Variants in ERG observed in about 807,000 individuals in gnomAD.
ERG encodes transcriptional regulator ERG.
Under a neutral mutation model 55.3 loss-of-function variants are expected in ERG, and 9 were observed. The observed-to-expected ratio is 0.16, with a 90% CI of 0.10 to 0.28. The LOEUF (loss-of-function observed/expected upper bound fraction) is 0.28, where lower values mean the gene tolerates loss of function less well. Among genes scored for constraint, ERG ranks in the 10% least tolerant of loss-of-function variants. The pLI, the probability that ERG is intolerant of heterozygous loss-of-function variation, is 1.00. For missense variants in ERG, 434 were observed against 631.6 expected, an observed-to-expected ratio of 0.69 and a Z score of 3.35; for synonymous variants, 223 against 237.3, an observed-to-expected ratio of 0.94 and a Z score of 0.55.
intron 1 of ERG, among the ~76,000 whole-genome samples, chr21:38,635,997 T>A (rs1601337707): frequency 6.6e-6 from 1 of 152,208 alleles, no homozygotes; most frequent in Non-Finnish European, 1.5e-5. Flanking sequence ...GTAGTTCCCA[T>A]AATCTCCATG....
At chr21:38,637,210 G>A (rs1181373621) in intron 1 of ERG, among the ~76,000 whole-genome samples, 2 of 152,178 alleles carry the variant, frequency 1.3e-5, no homozygotes, top group Non-Finnish European at 2.9e-5. Flanking sequence ...GTGTGTGTGT[G>A]TGTGCATCCC....
intron 1 of ERG, among the ~76,000 whole-genome samples, chr21:38,652,872 TG>T (rs1462204405): frequency 6.6e-6 from 1 of 152,224 alleles, no homozygotes; most frequent in Non-Finnish European, 1.5e-5. Flanking sequence ...CTCTTGTTGG[TG>T]TGTGAACTCA....
At chr21:38,596,166 T>C (rs1478871086) in intron 1 of ERG, among the ~76,000 whole-genome samples, 2 of 152,146 alleles carry the variant, frequency 1.3e-5, no homozygotes. Context: ...TTCTTCTGTG[T>C]CGTGGTAACA....
At chr21:38,522,765 G>A (rs1350932840) in intron 2 of ERG, among the ~76,000 whole-genome samples, 1 of 152,108 alleles carries the variant, frequency 6.6e-6, no homozygotes, top group African/African-American at 2.4e-5. Context: ...TAGATAAAAG[G>A]AAAAAGCAAA....
At chr21:38,573,648 C>T (rs1263597049) in intron 2 of ERG, among the ~76,000 whole-genome samples, 1 of 152,226 alleles carries the variant, frequency 6.6e-6, no homozygotes, top group Non-Finnish European at 1.5e-5. Flanking sequence ...TCCTTATTAT[C>T]ACCCTGCTCT....
Position 38,380,281 on chromosome 21 carries a change from C to T in ERG, c.*3122G>A, listed in dbSNP as rs1987365709. The T allele has an allele frequency of 1.9e-6, 2 of 1,056,910 alleles. No individual in the cohort carries two copies. Among genetic ancestry groups the T allele is most frequent in the East Asian group, 5.2e-5 (1 of 19,134 alleles). The allele number at this position is 1,056,910 out of a possible 1,614,324, so 65.5% of individuals were successfully genotyped here. On this transcript the variant is annotated 3_prime_UTR_variant, in exon 10 of 10. Coordinates refer to ENST00000288319, the MANE Select transcript of ERG (RefSeq NM_182918.4). Reference sequence around the variant, plus strand: ...TGTCAGAGGGCAGCTCCTCCGGCTCCTGCTCCTGGGTTGCAGGTGCCACAT... The same window carrying T: ...TGTCAGAGGGCAGCTCCTCCGGCTCTTGCTCCTGGGTTGCAGGTGCCACAT...
At chr21:38,639,616 A>G (rs917215019) in intron 1 of ERG, among the ~76,000 whole-genome samples, 2 of 152,220 alleles carry the variant, frequency 1.3e-5, no homozygotes, top group African/African-American at 4.8e-5. Flanking sequence ...GACCCTAAAC[A>G]AGGCACATCT....
chr21:38,470,294 C>A (rs1399089411), intron 1 of ERG, among the ~76,000 whole-genome samples: 1 of 151,840 alleles, frequency 6.6e-6, no homozygotes, highest in African/African-American at 2.4e-5. Flanking sequence ...TTATAATTAT[C>A]TGGAGTTAAT....
At chr21:38,594,213 G>C (rs934191622) in intron 1 of ERG, among the ~76,000 whole-genome samples, 1 of 152,114 alleles carries the variant, frequency 6.6e-6, no homozygotes, top group African/African-American at 2.4e-5. Flanking sequence ...GTTTTGACTG[G>C]TTTACAAGGA....
chr21:38,493,346 G>T (rs945684342), intron 1 of ERG, among the ~76,000 whole-genome samples: 3 of 152,116 alleles, frequency 2.0e-5, no homozygotes, highest in African/African-American at 7.2e-5. Flanking sequence ...ATGGGAAAAT[G>T]CTTGTAAAAC....
intron 1 of ERG, among the ~76,000 whole-genome samples, chr21:38,582,294 T>C (rs2060035113): frequency 1.3e-5 from 2 of 152,166 alleles, no homozygotes; most frequent in South Asian, 4.1e-4. Context: ...GTAACTGGCA[T>C]CTGAAGTGAG....
intron 2 of ERG, among the ~76,000 whole-genome samples, chr21:38,435,249 AG>A (rs1569097483): frequency 6.6e-6 from 1 of 152,188 alleles, no homozygotes; most frequent in African/African-American, 2.4e-5. Context: ...TAATCGACTG[AG>A]CAAGCTCCTA....
At chr21:38,516,800 G>A (rs890716459) in intron 2 of ERG, among the ~76,000 whole-genome samples, 8 of 151,954 alleles carry the variant, frequency 5.3e-5, no homozygotes, top group Non-Finnish European at 1.2e-4. Flanking sequence ...TGATAACCCA[G>A]AAATAAATCC....
intron 1 of ERG, among the ~76,000 whole-genome samples, chr21:38,634,692 C>A (rs553922766): frequency 9.9e-5 from 15 of 152,186 alleles, no homozygotes; most frequent in Non-Finnish European, 1.8e-4. Context: ...TAACACAGAC[C>A]TATAATGAAT....
chr21:38,526,234 T>C (rs117459137), intron 2 of ERG, among the ~76,000 whole-genome samples: 1 of 152,298 alleles, frequency 6.6e-6, no homozygotes, highest in Non-Finnish European at 1.5e-5. Context: ...CTAAATTCTT[T>C]AGAAACAGGA....
chr21:38,391,770 C>G (rs1569059906), intron 7 of ERG, 55 bp from the exon 8 acceptor site: 1 of 1,375,160 alleles, frequency 7.3e-7, no homozygotes, highest in East Asian at 2.3e-5. Flanking sequence ...GGTCACTAGT[C>G]TTTGATGTTG....
At position 38,470,360 on chromosome 21, in the gene ERG, C is replaced by T. The variant is rs74737075; in HGVS notation, c.19-24739G>A. 5.6e-3 allele frequency among the ~76,000 whole-genome samples: 846 copies of T among 152,120 alleles called. 4 individuals are homozygous for T. The highest frequency in any genetic ancestry group is 0.027 in the Middle Eastern group (8 of 292). ...CATTTGGGGGAAGGTGATGAATAAA[C>T]GGCAGAAAGAAAGGAATATCAGGGA... On this transcript the variant is annotated intron_variant, in intron 1 of 9. Coordinates refer to ENST00000288319, the MANE Select transcript of ERG (RefSeq NM_182918.4).
At position 38,412,784 on chromosome 21, in the gene ERG, T is replaced by G. The variant is rs1345678712; in HGVS notation, c.389-9075A>C. On this transcript the variant is annotated intron_variant, in intron 3 of 9. Coordinates refer to ENST00000288319, the MANE Select transcript of ERG (RefSeq NM_182918.4). ...GCTTAATCATGTTCATTGTTTCTGT[T>G]AAATCTTGGTTGGGGGAGATCTCTC... Among the ~76,000 whole-genome samples the G allele has an allele frequency of 2.6e-5, 4 of 152,236 alleles. No homozygotes were observed. In the East Asian group the frequency reaches 7.7e-4, roughly 29 times the overall value.
intron 1 of ERG, among the ~76,000 whole-genome samples, chr21:38,645,313 G>A (rs1258440560): frequency 6.6e-6 from 1 of 152,176 alleles, no homozygotes. Flanking sequence ...TATGGCTATA[G>A]AGAAACAAAT....
Sources: gnomAD v4.1 joint callset for allele counts (sites outside exome capture counted in the v4.1 genomes callset) on GRCh38, gnomAD v4.1.1 for gene constraint, MANE v1.5 for transcripts, NCBI Gene and HGNC (gene_info 2026-07-23, HGNC 2026-07-21) for gene names.